LAMA2: variants seen among roughly 807,000 people sequenced by gnomAD.
LAMA2 encodes the protein laminin subunit alpha-2.
In LAMA2, 269 loss-of-function variants were observed where a neutral mutation model predicts 364.8. The ratio of observed to expected loss-of-function variants is 0.74; its 90% CI spans 0.67 to 0.82. The LOEUF (loss-of-function observed/expected upper bound fraction) is 0.82. LAMA2 is among the 40% of genes least tolerant of loss of function. The pLI, the probability that LAMA2 is intolerant of heterozygous loss-of-function variation, is 0.00. For missense variants in LAMA2, 3,807 were observed against 3,873.2 expected (o/e 0.98, Z 0.45); for synonymous variants, 1,379 against 1,370.6 (o/e 1.01, Z -0.14).
At chr6:129,159,907 T>C (rs1225533657) in intron 8 of LAMA2, among the ~76,000 whole-genome samples, 4 of 152,190 alleles carry the variant, frequency 2.6e-5, no homozygotes, top group Non-Finnish European at 5.9e-5. Context: ...TTTATGCAAA[T>C]TGAATTTTAA....
chr6:128,967,118 T>A (rs1781893443), intron 1 of LAMA2, among the ~76,000 whole-genome samples: 1 of 152,184 alleles, frequency 6.6e-6, no homozygotes, highest in Admixed American at 6.5e-5. Context: ...TCAATTCACT[T>A]GCTGCCACAA....
At chr6:129,427,726 T>C in intron 40 of LAMA2, 26 bp from the exon 41 acceptor site, 6 of 1,510,954 alleles carry the variant, frequency 4.0e-6, no homozygotes, top group Non-Finnish European at 4.6e-6. Context: ...GTTTTAGATG[T>C]ATGACATTTG....
intron 1 of LAMA2, among the ~76,000 whole-genome samples, chr6:128,923,636 T>C (rs1238769582): frequency 1.3e-5 from 2 of 152,142 alleles, no homozygotes; most frequent in African/African-American, 4.8e-5. Context: ...AATAATAATT[T>C]TTTTCCCACT....
chr6:129,358,449 A>G (rs1473623978), intron 32 of LAMA2, among the ~76,000 whole-genome samples: 1 of 152,014 alleles, frequency 6.6e-6, no homozygotes, highest in Non-Finnish European at 1.5e-5. Context: ...TACTCTGGCA[A>G]GGCTCAGGAG....
At chr6:129,298,546 A>G (rs925827602) in intron 21 of LAMA2, among the ~76,000 whole-genome samples, 1 of 152,324 alleles carries the variant, frequency 6.6e-6, no homozygotes, top group African/African-American at 2.4e-5. Context: ...CTTGATTTAT[A>G]TGCTGCTAAT....
chr6:129,296,525 A>G (rs1002263317), intron 20 of LAMA2, among the ~76,000 whole-genome samples: 4 of 152,068 alleles, frequency 2.6e-5, no homozygotes, highest in Non-Finnish European at 4.4e-5. Context: ...AACTATTCTT[A>G]GCTACGGTCA....
chr6:129,246,473 C>A (rs1785757975), intron 12 of LAMA2, among the ~76,000 whole-genome samples: 4 of 152,092 alleles, frequency 2.6e-5, no homozygotes, highest in Admixed American at 2.6e-4. Flanking sequence ...TTTGTGAGTT[C>A]ACTGCAGCAC....
intron 10 of LAMA2, among the ~76,000 whole-genome samples, chr6:129,183,986 T>C (rs1205923512): frequency 6.6e-6 from 1 of 151,922 alleles, no homozygotes; most frequent in East Asian, 1.9e-4. Context: ...ATCTATGAAA[T>C]GGTGTTATTG....
chr6:129,050,235 C>G, intron 2 of LAMA2, 147 bp downstream of exon 2: 1 of 771,540 alleles, frequency 1.3e-6, no homozygotes, highest in Non-Finnish European at 2.2e-6. Flanking sequence ...CCTGGCCCCT[C>G]TCTGTCATTC....
At chr6:129,458,784 A>G (rs1783099617) in intron 48 of LAMA2, among the ~76,000 whole-genome samples, 1 of 151,956 alleles carries the variant, frequency 6.6e-6, no homozygotes, top group South Asian at 2.1e-4. Flanking sequence ...GGTGTGTAGT[A>G]GGCTATACCA....
chr6:129,366,308 C>T lies in LAMA2; in HGVS notation c.4807C>T (p.Pro1603Ser). ...GAGCATCAACCTCACTGGTCCGCTGCCTGCGCCATATAAAATGCTGTATGG... is the reference window on the plus strand; with the variant it reads ...GAGCATCAACCTCACTGGTCCGCTGTCTGCGCCATATAAAATGCTGTATGG... ...VMSINLTGPL[P>S]APYKMLYGLE... The change falls in exon 33 of 65, where the codon CCT becomes TCT. Residue 1603 changes from proline (P) to serine (S), a missense_variant. Transcript: ENST00000421865. The T allele has an allele frequency of 1.2e-6, 2 of 1,613,856 alleles. No homozygotes were observed. The highest frequency in any genetic ancestry group is 8.5e-7 in the Non-Finnish European group (1 of 1,179,978).
At chr6:128,917,766 C>T (rs1258600159) in intron 1 of LAMA2, among the ~76,000 whole-genome samples, 3 of 115,948 alleles carry the variant, frequency 2.6e-5, no homozygotes, top group African/African-American at 1.0e-4. Flanking sequence ...CAGGCTCTTA[C>T]TCCGTTGCCC....
intron 3 of LAMA2, among the ~76,000 whole-genome samples, chr6:129,063,064 C>G (rs576513985): frequency 6.6e-6 from 1 of 152,130 alleles, no homozygotes; most frequent in Non-Finnish European, 1.5e-5. Flanking sequence ...ATTCTATTTA[C>G]TCATAGCATA....
At position 128,883,309 on chromosome 6, in the gene LAMA2, G is replaced by GCGCAGCGGC; in HGVS notation, c.71_79dup (p.Arg24_Gln26dup). On this transcript the variant is annotated inframe_insertion, in exon 1 of 65. Transcript: ENST00000421865. ...CTCCGGAGGCCTCGGGGGCGTACAGGCGCAGCGGCCGCAGCAGCAGCGGCA... is the reference window on the plus strand; with the variant it reads ...CTCCGGAGGCCTCGGGGGCGTACAGGCGCAGCGGCCGCAGCGGCCGCAGCAGCAGCGGCA... The GCGCAGCGGC allele has an allele frequency of 1.3e-6, 2 of 1,595,850 alleles. No individual in the cohort carries two copies. Among genetic ancestry groups the GCGCAGCGGC allele is most frequent in the Non-Finnish European group, 8.5e-7 (1 of 1,171,544 alleles).
At chr6:129,037,543 A>T (rs976555387) in intron 1 of LAMA2, among the ~76,000 whole-genome samples, 2 of 152,200 alleles carry the variant, frequency 1.3e-5, no homozygotes. Context: ...AGAAATACAT[A>T]CACATGTGTG....
chr6:128,898,990 C>A lies in LAMA2; in HGVS notation c.112+15633C>A, dbSNP rs148082042. On this transcript the variant is annotated intron_variant, in intron 1 of 64. Coordinates refer to ENST00000421865, the MANE Select transcript of LAMA2 (RefSeq NM_000426.4). ...AATGTCACCTCTTACAGAGGCCTTT[C>A]CAGAGGACCACTTTAAATTAGCTTC... 2.8e-3 allele frequency among the ~76,000 whole-genome samples: 433 copies of A among 152,280 alleles called. 1 individual carries two copies. The highest frequency in any genetic ancestry group is 0.01 in the African/African-American group (417 of 41,564).
intron 3 of LAMA2, among the ~76,000 whole-genome samples, chr6:129,076,436 ATATATATAATATAT>A (rs1773639880): frequency 1.4e-5 from 2 of 144,562 alleles, no homozygotes; most frequent in East Asian, 3.9e-4. Flanking sequence ...ATATATATAA[ATATATATAATATAT>A]TATATATAAT....
chr6:129,068,174 T>C (rs1197394910), intron 3 of LAMA2, among the ~76,000 whole-genome samples: 2 of 152,218 alleles, frequency 1.3e-5, no homozygotes, highest in Middle Eastern at 3.2e-3. Flanking sequence ...AAACCACCAA[T>C]CCATAATTTA....
At chr6:129,425,139 A>G (rs528521249) in intron 40 of LAMA2, among the ~76,000 whole-genome samples, 1 of 152,202 alleles carries the variant, frequency 6.6e-6, no homozygotes, top group Admixed American at 6.5e-5. Context: ...AGGATAGAAG[A>G]AAGAGATTCA....
Sources: allele counts gnomAD v4.1 joint callset (sites outside exome capture counted in the v4.1 genomes callset), GRCh38; gene constraint gnomAD v4.1.1; transcripts MANE v1.5; gene names NCBI Gene and HGNC (gene_info 2026-07-23, HGNC 2026-07-21).